The following UNC79 variants were observed in gnomAD, a reference collection of about 807,000 sequenced individuals.
UNC79 encodes the protein unc-79 subunit of NALCN channel complex, also known as protein unc-79 homolog.
A neutral mutation model predicts 283.1 loss-of-function variants in UNC79; 37 were observed. The observed-to-expected ratio is 0.13, with a 90% CI of 0.10 to 0.17. The LOEUF is 0.17. Among genes scored for constraint, UNC79 ranks in the 10% least tolerant of loss-of-function variants. UNC79 has a pLI of 1.00. For synonymous variants in UNC79, 1,107 were observed against 1,200.2 expected (o/e 0.92, Z 1.61); for missense variants, 2,272 against 3,211.1 (o/e 0.71, Z 7.07).
At chr14:93,378,292 T>C (rs980148465) in intron 1 of UNC79, among the ~76,000 whole-genome samples, 4 of 152,248 alleles carry the variant, frequency 2.6e-5, no homozygotes, top group Non-Finnish European at 5.9e-5. Flanking sequence ...TCTTGAGGAT[T>C]GGCATTCTCA....
chr14:93,506,215 T>A (rs7151253), intron 7 of UNC79, among the ~76,000 whole-genome samples: 151,221 of 151,534 alleles, frequency 1, 75,460 homozygotes, highest in Middle Eastern at 1. Context: ...TATTTTCTCA[T>A]TGTATACAAT....
intron 2 of UNC79, among the ~76,000 whole-genome samples, chr14:93,470,792 A>G (rs1011069089): frequency 2.0e-5 from 3 of 152,228 alleles, no homozygotes; most frequent in African/African-American, 7.2e-5. Flanking sequence ...CATTAGAAGT[A>G]ACTACCAAGA....
chr14:93,404,493 A>AAAAAATATATATAT, intron 1 of UNC79, among the ~76,000 whole-genome samples: 4 of 61,498 alleles, frequency 6.5e-5, no homozygotes, highest in South Asian at 9.2e-4. Flanking sequence ...TTCTAAAAAA[A>AAAAAATATATATAT]ATATATATAT....
intron 11 of UNC79, among the ~76,000 whole-genome samples, chr14:93,533,170 G>T (rs781498459): frequency 6.6e-6 from 1 of 152,008 alleles, no homozygotes; most frequent in African/African-American, 2.4e-5. Flanking sequence ...TCATAAAAAA[G>T]AATTTTTGAC....
intron 1 of UNC79, among the ~76,000 whole-genome samples, chr14:93,397,963 A>T (rs1163568108): frequency 6.6e-6 from 1 of 152,136 alleles, no homozygotes; most frequent in Non-Finnish European, 1.5e-5. Context: ...TGAATAAATG[A>T]TGTCTGAATT....
chr14:93,527,350 T>C (rs1251765245), intron 8 of UNC79, among the ~76,000 whole-genome samples: 5 of 152,224 alleles, frequency 3.3e-5, no homozygotes, highest in African/African-American at 1.2e-4. Flanking sequence ...AATTGAGTAG[T>C]TGTGACAGAG....
intron 7 of UNC79, among the ~76,000 whole-genome samples, chr14:93,500,682 A>G (rs2059240061): frequency 1.3e-5 from 2 of 152,196 alleles, no homozygotes; most frequent in South Asian, 4.1e-4. Context: ...CTGTTCTACA[A>G]ATGAGGAGTG....
chr14:93,651,806 C>G (rs1361651272), intron 35 of UNC79, among the ~76,000 whole-genome samples: 6 of 151,522 alleles, frequency 4.0e-5, no homozygotes, highest in African/African-American at 1.5e-4. Context: ...GTGGTGCAAT[C>G]TCGGCTCACA....
At chr14:93,552,588 C>T (rs2061955259) in intron 14 of UNC79, among the ~76,000 whole-genome samples, 1 of 152,148 alleles carries the variant, frequency 6.6e-6, no homozygotes, top group African/African-American at 2.4e-5. Flanking sequence ...TCATTTTTAT[C>T]AAAGACAAAT....
intron 40 of UNC79, among the ~76,000 whole-genome samples, chr14:93,669,629 T>C (rs2072617816): frequency 6.6e-6 from 1 of 152,126 alleles, no homozygotes; most frequent in African/African-American, 2.4e-5. Flanking sequence ...AAGCCTTGTA[T>C]GTGTATTAAG....
At chr14:93,667,613 A>G (rs2072359723) in intron 40 of UNC79, among the ~76,000 whole-genome samples, 1 of 152,192 alleles carries the variant, frequency 6.6e-6, no homozygotes, top group Non-Finnish European at 1.5e-5. Context: ...CTAAACATTT[A>G]AGAACTGATC....
rs559941606 is a variant in UNC79, at chr14:93,415,469, G to A, written c.-350-52202G>A. ...GCATCAATGTTCATCAAGGATATTG[G>A]TCTAAAATTCTCTTTTTTGGTTGTG... On this transcript the variant is annotated intron_variant, in intron 1 of 49. Coordinates refer to the UNC79 transcript ENST00000256339. Among the ~76,000 whole-genome samples, 335 of 152,190 alleles carry A rather than the reference G, an allele frequency of 2.2e-3. 2 individuals are homozygous for A. Among genetic ancestry groups the A allele is most frequent in the African/African-American group, 7.7e-3 (320 of 41,522 alleles).
chr14:93,692,438 C>T (rs1004334573), intron 46 of UNC79, among the ~76,000 whole-genome samples: 1 of 152,006 alleles, frequency 6.6e-6, no homozygotes, highest in Non-Finnish European at 1.5e-5. Context: ...AAATATCTAC[C>T]TTGAAGGGTT....
At chr14:93,484,298 T>A (rs1434635063) in intron 4 of UNC79, among the ~76,000 whole-genome samples, 1 of 152,242 alleles carries the variant, frequency 6.6e-6, no homozygotes. Context: ...AGTTGTTGAA[T>A]TTAATAAGTG....
intron 47 of UNC79, among the ~76,000 whole-genome samples, chr14:93,696,301 G>A (rs1421831775): frequency 6.6e-6 from 1 of 152,130 alleles, no homozygotes; most frequent in Non-Finnish European, 1.5e-5. Flanking sequence ...GTACATATAT[G>A]TTTTCATGTA....
chr14:93,567,372 C>A (rs1475289821), intron 14 of UNC79, among the ~76,000 whole-genome samples: 2 of 152,162 alleles, frequency 1.3e-5, no homozygotes, highest in Non-Finnish European at 2.9e-5. Flanking sequence ...ATTACAGGTG[C>A]CCACCACCAT....
intron 22 of UNC79, among the ~76,000 whole-genome samples, chr14:93,588,009 G>T (rs1026036242): frequency 6.6e-6 from 1 of 152,202 alleles, no homozygotes; most frequent in African/African-American, 2.4e-5. Flanking sequence ...GGAGGAAACA[G>T]ATAGCAGAGT....
chr14:93,635,616 C>T (rs995062279), intron 31 of UNC79, among the ~76,000 whole-genome samples: 1 of 152,036 alleles, frequency 6.6e-6, no homozygotes, highest in Admixed American at 6.6e-5. Flanking sequence ...TTTACTTGCC[C>T]TCATTATTCT....
intron 12 of UNC79, among the ~76,000 whole-genome samples, 183 bp downstream of exon 12, chr14:93,538,401 C>T (rs555938227): frequency 2.6e-5 from 4 of 152,274 alleles, no homozygotes; most frequent in Admixed American, 1.3e-4. Flanking sequence ...TTTACGGATG[C>T]CAGTTATGTG....
Sources: gnomAD v4.1 joint callset for allele counts (sites outside exome capture counted in the v4.1 genomes callset) on GRCh38, gnomAD v4.1.1 for gene constraint, MANE v1.5 for transcripts, NCBI Gene and HGNC (gene_info 2026-07-23, HGNC 2026-07-21) for gene names.